CNTN1: variants seen among roughly 807,000 people sequenced by gnomAD.
The protein encoded by CNTN1 is contactin-1.
In CNTN1, 38 loss-of-function variants were observed where a neutral mutation model predicts 126.4. That is an observed-to-expected ratio of 0.30 (90% CI 0.23 to 0.39). The LOEUF is 0.39. Ranked by LOEUF, CNTN1 falls within the 10% of genes least tolerant of loss-of-function variation. The pLI is 1.00. For missense variants in CNTN1, 1,009 were observed against 1,248.4 expected (o/e 0.81, Z 2.89); for synonymous variants, 413 against 422.6 (o/e 0.98, Z 0.28).
chr12:40,978,133 A>G (rs1385751156), intron 15 of CNTN1, among the ~76,000 whole-genome samples: 1 of 152,066 alleles, frequency 6.6e-6, no homozygotes, highest in Non-Finnish European at 1.5e-5. Flanking sequence ...GGTTTTTATT[A>G]CTCTTGTTTT....
At chr12:40,963,311 C>T (rs1947173390) in intron 15 of CNTN1, among the ~76,000 whole-genome samples, 1 of 151,988 alleles carries the variant, frequency 6.6e-6, no homozygotes, top group South Asian at 2.1e-4. Context: ...GATATGATGA[C>T]ATTTAAATAA....
chr12:40,975,741 A>G (rs11179268), intron 15 of CNTN1, among the ~76,000 whole-genome samples: 7,641 of 151,092 alleles, frequency 0.051, 266 homozygotes, highest in Non-Finnish European at 0.066. Flanking sequence ...AGGTAGCCCA[A>G]AGAAGGGTAG....
chr12:40,793,465 GAA>G (rs5797683), intron 1 of CNTN1, among the ~76,000 whole-genome samples: 219 of 145,406 alleles, frequency 1.5e-3, no homozygotes, highest in Middle Eastern at 3.5e-3. Flanking sequence ...TACTTGTGGG[GAA>G]AAAAAAAAAA....
rs1391387663 is a variant in CNTN1, at chr12:40,987,521, T to C, written c.1964-5599T>C. Among the ~76,000 whole-genome samples, 3 of 152,146 alleles carry C rather than the reference T, an allele frequency of 2.0e-5. No individual in the cohort carries two copies. In the East Asian group the frequency reaches 5.8e-4, roughly 29 times the overall value. ...AATATTGTTAGTGATGGTGTGTGTG[T>C]ATGTAAGAAGATGTTGGCCAGAACA... is the stretch of plus-strand genomic sequence containing the variant. On this transcript the variant is annotated intron_variant, in intron 16 of 23. Coordinates refer to ENST00000551295, the MANE Select transcript of CNTN1 (RefSeq NM_001843.4).
chr12:41,037,305 A>G (rs1245223059), intron 23 of CNTN1, among the ~76,000 whole-genome samples: 2 of 152,174 alleles, frequency 1.3e-5, no homozygotes, highest in Admixed American at 6.6e-5. Context: ...GTTTCCATCA[A>G]TGATGTACCA....
chr12:41,056,804 A>G (rs1009413963), intron 23 of CNTN1, among the ~76,000 whole-genome samples: 2 of 150,578 alleles, frequency 1.3e-5, no homozygotes, highest in Non-Finnish European at 3.0e-5. Flanking sequence ...TAAAGCACCA[A>G]TTATATAGTC....
At chr12:40,943,491 T>G in intron 12 of CNTN1, 106 bp from the exon 13 acceptor site, 1 of 848,634 alleles carries the variant, frequency 1.2e-6, no homozygotes, top group Middle Eastern at 3.2e-4. Flanking sequence ...TCGCATGATT[T>G]ATATAGAATG....
At chr12:40,992,492 A>G (rs1176631935) in intron 16 of CNTN1, among the ~76,000 whole-genome samples, 1 of 152,094 alleles carries the variant, frequency 6.6e-6, no homozygotes, top group African/African-American at 2.4e-5. Context: ...CCTCAATTAA[A>G]TAAGCAAGCT....
rs1281273490 is a variant in CNTN1 at position 40,959,245 on chromosome 12, CA to C, written c.1804+13del. The C allele has an allele frequency of 6.2e-7, 1 of 1,611,934 alleles. No homozygotes were observed. Among genetic ancestry groups the C allele is most frequent in the South Asian group, 1.1e-5 (1 of 91,036 alleles). On this transcript the variant is annotated intron_variant, in intron 15 of 23. Transcript: ENST00000551295. ...ACCTTGTAGTGAGAGGTAAGAGTTT[CA>C]ACATTTTAAAATTACAAAACCAAAA...
chr12:41,051,893 AAC>A (rs71078300), intron 23 of CNTN1, among the ~76,000 whole-genome samples: 11,038 of 134,350 alleles, frequency 0.082, 491 homozygotes, highest in Middle Eastern at 0.13. Flanking sequence ...ACCCCACACA[AAC>A]ACACACACAC....
chr12:40,957,624 T>C (rs923347519), intron 14 of CNTN1, among the ~76,000 whole-genome samples: 2 of 150,440 alleles, frequency 1.3e-5, no homozygotes, highest in Non-Finnish European at 3.0e-5. Flanking sequence ...AATAAATAAA[T>C]AACAGACCAA....
At chr12:40,708,621 C>A (rs1398668193) in intron 1 of CNTN1, among the ~76,000 whole-genome samples, 1 of 152,158 alleles carries the variant, frequency 6.6e-6, no homozygotes, top group African/African-American at 2.4e-5. Context: ...TGTTTTATAG[C>A]CTTTTACCCA....
chr12:41,023,453 G>T (rs971197461), intron 20 of CNTN1, among the ~76,000 whole-genome samples: 10 of 152,196 alleles, frequency 6.6e-5, no homozygotes, highest in Non-Finnish European at 4.4e-5. Context: ...TTTCTATAGT[G>T]TAGGTAAGCT....
chr12:40,993,304 A>G lies in CNTN1; in HGVS notation c.2113+35A>G, dbSNP rs7309797. ...TACAAGAAACTTGAAATTTTAAAAG[A>G]TTTCTAAATACAGTGCCACTTTCAT... On this transcript the variant is annotated intron_variant, in intron 17 of 23. Transcript: ENST00000551295. 0.12 allele frequency: 188,517 copies of G among 1,572,126 alleles called. 11,913 individuals carry two copies. The highest frequency in any genetic ancestry group is 0.13 in the Non-Finnish European group (149,108 of 1,144,132).
chr12:40,974,445 A>G (rs1187714222), intron 15 of CNTN1, among the ~76,000 whole-genome samples: 1 of 152,028 alleles, frequency 6.6e-6, no homozygotes, highest in Non-Finnish European at 1.5e-5. Flanking sequence ...CCATAAAAAT[A>G]AAAAATAAAA....
intron 1 of CNTN1, chr12:40,828,118 C>T (rs1006738632): frequency 2.0e-5 from 3 of 152,162 alleles, no homozygotes; most frequent in Non-Finnish European, 4.4e-5. Flanking sequence ...AACCTGCTCT[C>T]CCCAGGTTGG....
At chr12:40,812,960 G>A (rs1265563194) in intron 1 of CNTN1, among the ~76,000 whole-genome samples, 1 of 116,964 alleles carries the variant, frequency 8.5e-6, no homozygotes, top group Non-Finnish European at 1.8e-5. Flanking sequence ...TTTTTTTTTT[G>A]GTTGTTTTGA....
intron 12 of CNTN1, among the ~76,000 whole-genome samples, chr12:40,941,719 C>T (rs549740833): frequency 6.6e-6 from 1 of 152,084 alleles, no homozygotes; most frequent in Non-Finnish European, 1.5e-5. Context: ...TTAGTCTTTT[C>T]TACTCCAGAG....
chr12:41,046,342 T>A (rs1036798401), intron 23 of CNTN1, among the ~76,000 whole-genome samples: 2 of 152,100 alleles, frequency 1.3e-5, no homozygotes, highest in Non-Finnish European at 2.9e-5. Flanking sequence ...TTAAAATATA[T>A]GAATTTAGGT....
Sources: gnomAD v4.1 joint callset for allele counts (sites outside exome capture counted in the v4.1 genomes callset) on GRCh38, gnomAD v4.1.1 for gene constraint, MANE v1.5 for transcripts, NCBI Gene and HGNC (gene_info 2026-07-23, HGNC 2026-07-21) for gene names.